ERC2: variants seen among roughly 807,000 people sequenced by gnomAD.
ERC2 encodes the protein ERC protein 2.
Under a neutral mutation model 114.8 loss-of-function variants are expected in ERC2, and 42 were observed. The ratio of observed to expected loss-of-function variants is 0.37; its 90% CI spans 0.29 to 0.47. The LOEUF (loss-of-function observed/expected upper bound fraction) is 0.47. ERC2 is among the 20% of genes least tolerant of loss of function. The pLI is 0.99. For missense variants in ERC2, 939 were observed against 1,150.7 expected (o/e 0.82, Z 2.66); for synonymous variants, 454 against 425.5 (o/e 1.07, Z -0.82).
intron 14 of ERC2, among the ~76,000 whole-genome samples, chr3:55,746,425 G>T (rs1005975141): frequency 6.6e-6 from 1 of 152,044 alleles, no homozygotes; most frequent in Non-Finnish European, 1.5e-5. Flanking sequence ...GTAGAGACGG[G>T]GTTTCACCAT....
At chr3:55,589,406 G>A (rs1236607167) in intron 17 of ERC2, among the ~76,000 whole-genome samples, 1 of 152,138 alleles carries the variant, frequency 6.6e-6, no homozygotes, top group African/African-American at 2.4e-5. Context: ...ACACGTGACG[G>A]TCATTTGGCA....
At chr3:56,049,836 G>A (rs1351179441) in intron 7 of ERC2, among the ~76,000 whole-genome samples, 5 of 150,764 alleles carry the variant, frequency 3.3e-5, no homozygotes, top group African/African-American at 9.8e-5. Context: ...GTGTGTGTGT[G>A]TGTGTGTGTG....
intron 10 of ERC2, among the ~76,000 whole-genome samples, chr3:55,998,690 T>C (rs1190527491): frequency 6.6e-6 from 1 of 152,232 alleles, no homozygotes; most frequent in African/African-American, 2.4e-5. Flanking sequence ...GCATTTATAA[T>C]TCAGCCCATT....
intron 3 of ERC2, among the ~76,000 whole-genome samples, chr3:56,295,379 G>T (rs1045431583): frequency 1.3e-5 from 2 of 152,024 alleles, no homozygotes; most frequent in African/African-American, 4.8e-5. Flanking sequence ...TCAGATACAC[G>T]AGCATCCCAA....
chr3:56,002,648 G>A (rs1017023807), intron 10 of ERC2, among the ~76,000 whole-genome samples: 1 of 152,162 alleles, frequency 6.6e-6, no homozygotes, highest in South Asian at 2.1e-4. Flanking sequence ...GTAATGTCAA[G>A]TATTTACCAA....
intron 14 of ERC2, among the ~76,000 whole-genome samples, chr3:55,856,433 T>C (rs994407977): frequency 5.9e-5 from 9 of 152,230 alleles, no homozygotes; most frequent in Admixed American, 2.6e-4. Flanking sequence ...GGCGCTGTTC[T>C]GAGCACCGGA....
chr3:56,276,425 T>A (rs1158231693), intron 3 of ERC2, among the ~76,000 whole-genome samples: 1 of 138,892 alleles, frequency 7.2e-6, no homozygotes, highest in Non-Finnish European at 1.5e-5. Flanking sequence ...TGCCATGCTC[T>A]GCACCCAGCA....
intron 15 of ERC2, among the ~76,000 whole-genome samples, chr3:55,703,257 T>G (rs1177744022): frequency 6.6e-6 from 1 of 152,332 alleles, no homozygotes; most frequent in Admixed American, 6.5e-5. Context: ...TTTGACATGC[T>G]TAGGCATCTC....
chr3:56,022,987 C>T (rs1560039597), intron 7 of ERC2, among the ~76,000 whole-genome samples: 1 of 152,178 alleles, frequency 6.6e-6, no homozygotes, highest in South Asian at 2.1e-4. Context: ...CTGGAGGTCA[C>T]TTGACAACCC....
At chr3:55,672,204 A>G (rs1461270061) in intron 17 of ERC2, among the ~76,000 whole-genome samples, 1 of 151,868 alleles carries the variant, frequency 6.6e-6, no homozygotes, top group Non-Finnish European at 1.5e-5. Flanking sequence ...ATAGCCAAGT[A>G]TGGTGGTGTG....
chr3:55,657,596 C>G (rs1208549676), intron 17 of ERC2: 1 of 152,178 alleles, frequency 6.6e-6, no homozygotes, highest in Non-Finnish European at 1.5e-5. Context: ...GCTGGGACTA[C>G]AAGCACACAC....
chr3:55,802,493 C>G (rs1361236296), intron 14 of ERC2, among the ~76,000 whole-genome samples: 2 of 152,106 alleles, frequency 1.3e-5, no homozygotes, highest in Non-Finnish European at 2.9e-5. Flanking sequence ...TATACCTTGA[C>G]AAATATTTTG....
At chr3:55,995,159 C>A (rs2071410279) in intron 10 of ERC2, among the ~76,000 whole-genome samples, 1 of 152,076 alleles carries the variant, frequency 6.6e-6, no homozygotes, top group Non-Finnish European at 1.5e-5. Context: ...ATGGTAACAC[C>A]CCATCTCTAC....
At chr3:56,135,450 GAAGTA>G (rs2080450492) in intron 6 of ERC2, among the ~76,000 whole-genome samples, 1 of 152,202 alleles carries the variant, frequency 6.6e-6, no homozygotes, top group Admixed American at 6.5e-5. Context: ...GATGACAAGT[GAAGTA>G]GAGTATTCAG....
chr3:55,732,651 G>A (rs1462681825), intron 15 of ERC2, among the ~76,000 whole-genome samples: 1 of 152,180 alleles, frequency 6.6e-6, no homozygotes, highest in Non-Finnish European at 1.5e-5. Context: ...AAAAGTAGAT[G>A]GGGACATGAG....
At chr3:56,265,548 G>T (rs1014145219) in intron 3 of ERC2, among the ~76,000 whole-genome samples, 7 of 152,134 alleles carry the variant, frequency 4.6e-5, no homozygotes, top group Admixed American at 2.6e-4. Flanking sequence ...TTGTAGCAAT[G>T]ATTTCTCAGA....
chr3:55,710,133 G>A lies in ERC2; in HGVS notation c.2713-10621C>T, dbSNP rs139995695. Among the ~76,000 whole-genome samples the A allele has an allele frequency of 1.2e-4, 19 of 152,062 alleles. No individual in the cohort carries two copies. In the East Asian group the frequency reaches 2.3e-3, roughly 19 times the overall value. On this transcript the variant is annotated intron_variant, in intron 15 of 17. Coordinates refer to ENST00000288221, the MANE Select transcript of ERC2 (RefSeq NM_015576.3). ...CACAACACCTTTACTAGCTTTACAC[G>A]GAACACTTGGAGCTCACCCTAACTA...
chr3:56,288,704 G>A (rs1175975841), intron 3 of ERC2, among the ~76,000 whole-genome samples: 4 of 152,146 alleles, frequency 2.6e-5, no homozygotes, highest in South Asian at 4.1e-4. Flanking sequence ...CAGAGAGAGC[G>A]CTTTTCTGGA....
At chr3:56,118,591 T>C (rs146627169) in intron 6 of ERC2, among the ~76,000 whole-genome samples, 21 of 152,056 alleles carry the variant, frequency 1.4e-4, no homozygotes, top group African/African-American at 2.6e-4. Context: ...GCCTACGTAG[T>C]ATAATTCCCA....
Sources: allele counts gnomAD v4.1 joint callset (sites outside exome capture counted in the v4.1 genomes callset), GRCh38; gene constraint gnomAD v4.1.1; transcripts MANE v1.5; gene names NCBI Gene and HGNC (gene_info 2026-07-23, HGNC 2026-07-21).